EHBP1: variants seen among roughly 807,000 people sequenced by gnomAD.
EHBP1 encodes the protein EH domain-binding protein 1.
EHBP1 carries 55 observed loss-of-function variants against 144.0 expected under a neutral mutation model. That is an observed-to-expected ratio of 0.38 (90% confidence interval 0.31 to 0.48). EHBP1 has a LOEUF of 0.48. Among genes scored for constraint, EHBP1 ranks in the 20% least tolerant of loss-of-function variants. The pLI is 0.98. For synonymous variants in EHBP1, 469 were observed against 472.7 expected (o/e 0.99, Z 0.10); for missense variants, 1,200 against 1,364.2 (o/e 0.88, Z 1.90).
At chr2:62,767,617 T>G (rs906224360) in intron 4 of EHBP1, among the ~76,000 whole-genome samples, 1 of 151,888 alleles carries the variant, frequency 6.6e-6, no homozygotes, top group Non-Finnish European at 1.5e-5. Context: ...AGGAGATCGT[T>G]TGAGCTCAGG....
chr2:63,034,447 AAG>A (rs2061379992), intron 19 of EHBP1, among the ~76,000 whole-genome samples: 1 of 152,066 alleles, frequency 6.6e-6, no homozygotes, highest in Non-Finnish European at 1.5e-5. Context: ...AATTTTGAAA[AAG>A]AGGTAGTTAA....
chr2:62,759,031 A>C (rs1029715744), intron 3 of EHBP1, among the ~76,000 whole-genome samples: 1 of 152,202 alleles, frequency 6.6e-6, no homozygotes, highest in Non-Finnish European at 1.5e-5. Context: ...TGTACTAGGT[A>C]CACGTTTTTT....
At chr2:62,957,474 A>G (rs1330816842) in intron 14 of EHBP1, among the ~76,000 whole-genome samples, 1 of 152,104 alleles carries the variant, frequency 6.6e-6, no homozygotes, top group Non-Finnish European at 1.5e-5. Flanking sequence ...ACTTCTGTTC[A>G]ATATCATAAT....
chr2:62,943,599 G>T (rs543250341), intron 11 of EHBP1, among the ~76,000 whole-genome samples: 3 of 152,206 alleles, frequency 2.0e-5, no homozygotes, highest in African/African-American at 7.2e-5. Flanking sequence ...TTCAGGCAGC[G>T]AAACGTGTAA....
chr2:62,705,397 G>C (rs1046221792), upstream of EHBP1, among the ~76,000 whole-genome samples: 1 of 151,908 alleles, frequency 6.6e-6, no homozygotes, highest in Non-Finnish European at 1.5e-5. Context: ...TCACCTTGCA[G>C]TTCACTATAA....
At chr2:63,005,043 T>C (rs1215109204) in intron 19 of EHBP1, among the ~76,000 whole-genome samples, 1 of 152,098 alleles carries the variant, frequency 6.6e-6, no homozygotes, top group Non-Finnish European at 1.5e-5. Context: ...GCACAGAAAA[T>C]GATCCAATTT....
chr2:63,001,177 G>C (rs1300251962), intron 19 of EHBP1, among the ~76,000 whole-genome samples: 3 of 152,034 alleles, frequency 2.0e-5, no homozygotes, highest in Non-Finnish European at 4.4e-5. Context: ...CTAATGATTT[G>C]AGTTTTTTAA....
At chr2:62,954,619 A>G (rs1428386408) in intron 13 of EHBP1, among the ~76,000 whole-genome samples, 2 of 152,182 alleles carry the variant, frequency 1.3e-5, no homozygotes, top group East Asian at 3.9e-4. Context: ...GACCACAAAG[A>G]AGCCCAAAAA....
rs556031878 is a variant in EHBP1, at chr2:63,038,651, A to G, written c.3204-92A>G. 613 of 1,158,246 alleles carry G rather than the reference A, an allele frequency of 5.3e-4. 3 individuals carry two copies. Among genetic ancestry groups the G allele is most frequent in the Middle Eastern group, 3.3e-3 (17 of 5,110 alleles). The allele number at this position is 1,158,246 out of a possible 1,614,324, so 71.7% of individuals were successfully genotyped here. On this transcript the variant is annotated intron_variant, in intron 20 of 22. Transcript: ENST00000431489. ...TTAAACTTAAAGAGAAAAGTCAGTT[A>G]TGAGTCCTAAAATCAATGTAACCTA...
chr2:62,900,670 G>A (rs1347389257), intron 10 of EHBP1, among the ~76,000 whole-genome samples: 1 of 139,626 alleles, frequency 7.2e-6, no homozygotes, highest in Non-Finnish European at 1.5e-5. Flanking sequence ...TTTTTTGTGG[G>A]TGTGTGTGTA....
intron 12 of EHBP1, among the ~76,000 whole-genome samples, chr2:62,945,654 G>C (rs781287196): frequency 1.3e-5 from 2 of 152,160 alleles, no homozygotes; most frequent in African/African-American, 2.4e-5. Flanking sequence ...GGAGGATGAG[G>C]TGGGAGAATC....
chr2:62,887,866 C>T (rs1005953647), intron 10 of EHBP1, among the ~76,000 whole-genome samples: 3 of 152,070 alleles, frequency 2.0e-5, no homozygotes, highest in Non-Finnish European at 4.4e-5. Flanking sequence ...CCCAGGCTGT[C>T]GAAGTTGAAT....
chr2:63,037,412 G>T, intron 19 of EHBP1, 123 bp from the exon 20 acceptor site: 1 of 602,020 alleles, frequency 1.7e-6, no homozygotes, highest in Non-Finnish European at 2.9e-6. Flanking sequence ...CTTCTTATAA[G>T]CAGTTTAATA....
intron 7 of EHBP1, 93 bp from the exon 8 acceptor site, chr2:62,859,076 T>A (rs571355928): frequency 1.5e-4 from 190 of 1,228,630 alleles, no homozygotes; most frequent in Middle Eastern, 1.4e-3. Flanking sequence ...GCAGGTATTA[T>A]TCGTGTGAAC....
At chr2:62,832,971 AG>A (rs1289951017) in intron 7 of EHBP1, among the ~76,000 whole-genome samples, 1 of 152,260 alleles carries the variant, frequency 6.6e-6, no homozygotes, top group Admixed American at 6.5e-5. Context: ...TGTGCCAAAC[AG>A]TTAAACAAGT....
intron 5 of EHBP1, among the ~76,000 whole-genome samples, chr2:62,789,387 G>A (rs2043025674): frequency 6.6e-6 from 1 of 152,132 alleles, no homozygotes; most frequent in African/African-American, 2.4e-5. Context: ...AAAGTTGATA[G>A]AGTTAAGTTT....
intron 2 of EHBP1, among the ~76,000 whole-genome samples, chr2:62,713,990 T>A (rs1476604533): frequency 6.6e-6 from 1 of 152,192 alleles, no homozygotes; most frequent in Non-Finnish European, 1.5e-5. Flanking sequence ...ATTGATGTGC[T>A]TACATCATGA....
At chr2:62,780,172 A>G (rs1360355786) in intron 5 of EHBP1, among the ~76,000 whole-genome samples, 1 of 152,098 alleles carries the variant, frequency 6.6e-6, no homozygotes, top group Admixed American at 6.5e-5. Context: ...AAAAAGTGAT[A>G]TTATTCTTGT....
intron 3 of EHBP1, among the ~76,000 whole-genome samples, 165 bp from the exon 4 acceptor site, chr2:62,764,101 T>C (rs2040978842): frequency 6.6e-6 from 1 of 152,130 alleles, no homozygotes; most frequent in Non-Finnish European, 1.5e-5. Flanking sequence ...TTTATTTGAT[T>C]AAGCATTTTT....
Sources: gnomAD v4.1 joint callset for allele counts (sites outside exome capture counted in the v4.1 genomes callset) on GRCh38, gnomAD v4.1.1 for gene constraint, MANE v1.5 for transcripts, NCBI Gene and HGNC (gene_info 2026-07-23, HGNC 2026-07-21) for gene names.